Variants in OSBPL3 observed in about 807,000 individuals in gnomAD.
OSBPL3 encodes the protein oxysterol binding protein like 3, also known as oxysterol-binding protein-related protein 3.
Under a neutral mutation model 120.1 loss-of-function variants are expected in OSBPL3, and 65 were observed. That is an observed-to-expected ratio of 0.54 (90% CI 0.44 to 0.67). The LOEUF (loss-of-function observed/expected upper bound fraction) is 0.67. Among genes scored for constraint, OSBPL3 ranks in the 30% least tolerant of loss-of-function variants. OSBPL3 has a pLI of 0.00. For missense variants in OSBPL3, 1,004 were observed against 1,082.1 expected (o/e 0.93, Z 1.01); for synonymous variants, 416 against 402.6 (o/e 1.03, Z -0.40).
intron 1 of OSBPL3, among the ~76,000 whole-genome samples, chr7:24,950,207 AACAAATATCCATCC>A (rs1814224313): frequency 6.6e-6 from 1 of 152,164 alleles, no homozygotes; most frequent in Admixed American, 6.5e-5. Context: ...AGGCTCCAGG[AACAAATATCCATCC>A]ACGTTGACAT....
Position 24,937,635 on chromosome 7 carries a change from C to T in OSBPL3, c.-150+42251G>A, listed in dbSNP as rs978243618. 1.3e-5 allele frequency among the ~76,000 whole-genome samples: 2 copies of T among 152,190 alleles called. No individual in the cohort carries two copies. Among genetic ancestry groups the T allele is most frequent in the Non-Finnish European group, 2.9e-5 (2 of 68,022 alleles). ...GAGACGTCCCAATACATGTGCCACA[C>T]TTTTACATATCTGGAAATAGAACTG... On this transcript the variant is annotated intron_variant, in intron 1 of 22. Transcript: ENST00000313367. This position sits in a 1 kb window ranked among gnomAD's most constrained non-coding sequence, Gnocchi z 4.0.
At chr7:24,907,379 T>C (rs1373906354) in intron 1 of OSBPL3, among the ~76,000 whole-genome samples, 3 of 152,250 alleles carry the variant, frequency 2.0e-5, no homozygotes, top group Non-Finnish European at 4.4e-5. Context: ...TGTGGCTAAA[T>C]GTCTGAGTTG....
chr7:24,918,012 A>T lies in OSBPL3; in HGVS notation c.-149-25391T>A. The T allele has an allele frequency of 1.1e-6, 1 of 906,176 alleles. No homozygotes were observed. Among genetic ancestry groups the T allele is most frequent in the Non-Finnish European group, 1.3e-6 (1 of 757,530 alleles). The allele number at this position is 906,176 out of a possible 1,614,324, so 56.1% of individuals were successfully genotyped here. On this transcript the variant is annotated intron_variant, in intron 1 of 22. Transcript: ENST00000313367. This position sits in a 1 kb window ranked among gnomAD's most constrained non-coding sequence, Gnocchi z 4.3. ...TCCTGTCTAGCTTTCAAATTCAGTG[A>T]TCCTATGAGTCCATAAAATGACTAG...
intron 1 of OSBPL3, among the ~76,000 whole-genome samples, chr7:24,935,314 A>G (rs1212556731): frequency 2.0e-5 from 3 of 152,194 alleles, no homozygotes; most frequent in African/African-American, 4.8e-5. Flanking sequence ...CACTACAATT[A>G]GGCTACACAG....
At chr7:24,887,589 A>T (rs974390420) in intron 2 of OSBPL3, among the ~76,000 whole-genome samples, 4 of 152,212 alleles carry the variant, frequency 2.6e-5, no homozygotes, top group Admixed American at 2.6e-4. Flanking sequence ...CATTTTATGA[A>T]TGGAGAACTG....
rs896161422 is a variant in OSBPL3 at position 24,940,862 on chromosome 7, C to A, written c.-150+39024G>T. Among the ~76,000 whole-genome samples, 1 of 151,612 alleles carries A rather than the reference C, an allele frequency of 6.6e-6. No homozygotes were observed. Among genetic ancestry groups the A allele is most frequent in the Non-Finnish European group, 1.5e-5 (1 of 67,928 alleles). On this transcript the variant is annotated intron_variant, in intron 1 of 22. Coordinates refer to ENST00000313367, the MANE Select transcript of OSBPL3 (RefSeq NM_015550.4). The surrounding 1 kb of genome is among the most constrained non-coding windows in gnomAD (Gnocchi z 4.4). ...TGTGACGGAGTCTCGCTCTGTCGCC[C>A]AGGCTGGAGTGCACTGGCGCGATCT... is the stretch of plus-strand genomic sequence containing the variant.
At chr7:24,944,616 C>T (rs1813497608) in intron 1 of OSBPL3, among the ~76,000 whole-genome samples, 1 of 130,956 alleles carries the variant, frequency 7.6e-6, no homozygotes, top group African/African-American at 2.7e-5. Flanking sequence ...GGTGAAAGAG[C>T]GAGACTCCAA....
Position 24,939,174 on chromosome 7 carries a change from C to T in OSBPL3, c.-150+40712G>A, listed in dbSNP as rs1812794550. ...AAAAGATAAATGAAGAAAACTAAGA[C>T]ATCAAGAATATTCAGAGAAGGAAGA... On this transcript the variant is annotated intron_variant, in intron 1 of 22. Transcript: ENST00000313367. This position sits in a 1 kb window ranked among gnomAD's most constrained non-coding sequence, Gnocchi z 4.2. 6.6e-6 allele frequency among the ~76,000 whole-genome samples: 1 copy of T among 152,114 alleles called. No individual in the cohort carries two copies.
At chr7:24,865,267 G>C in intron 7 of OSBPL3, 75 bp downstream of exon 7, 8 of 1,478,632 alleles carry the variant, frequency 5.4e-6, no homozygotes, top group Non-Finnish European at 6.5e-6. Context: ...GGACACAAAT[G>C]AATCTGAAGT....
intron 1 of OSBPL3, among the ~76,000 whole-genome samples, chr7:24,917,382 CATATATATATATTTGTAACATATATAT>C (rs775028214): frequency 7.2e-5 from 7 of 97,042 alleles, no homozygotes; most frequent in East Asian, 9.6e-4. Flanking sequence ...ATATTTGTAA[CATATATATATATTTGTAACATATATAT>C]ATATATATAT....
At chr7:24,978,790 A>C (rs1817865896) in intron 1 of OSBPL3, among the ~76,000 whole-genome samples, 1 of 152,184 alleles carries the variant, frequency 6.6e-6, no homozygotes, top group Non-Finnish European at 1.5e-5. Flanking sequence ...GGTCTCAAGC[A>C]CCTCTGCGCA....
Position 24,866,203 on chromosome 7 carries a change from G to C in OSBPL3, c.416C>G (p.Ser139Trp), listed in dbSNP as rs1183487841. 6.2e-7 allele frequency: 1 copy of C among 1,612,834 alleles called. No individual in the cohort carries two copies. Among genetic ancestry groups the C allele is most frequent in the Non-Finnish European group, 8.5e-7 (1 of 1,178,880 alleles). The change falls in exon 6 of 23, where the codon TCG becomes TGG. Residue 139 changes from serine to tryptophan, a missense_variant. Transcript: ENST00000313367. ...ATACATTCTGTGGTGGCGAAGTTTC[G>C]ATACCCACTCATCAAAGACTTCTTC... ...KSEEVFDEWVSKLRHHRMYRQ... is the reference protein window; with the variant it reads ...KSEEVFDEWVWKLRHHRMYRQ...
chr7:24,826,289 T>C (rs1795697832), intron 16 of OSBPL3, among the ~76,000 whole-genome samples: 1 of 152,156 alleles, frequency 6.6e-6, no homozygotes, highest in South Asian at 2.1e-4. Flanking sequence ...AAAGGAAACC[T>C]CTGAGAAGGT....
intron 14 of OSBPL3, among the ~76,000 whole-genome samples, chr7:24,840,308 G>T (rs1190690940): frequency 6.6e-6 from 1 of 152,094 alleles, no homozygotes; most frequent in Non-Finnish European, 1.5e-5. Context: ...TGCTACCCTT[G>T]AGATAGCAAG....
At position 24,892,382 on chromosome 7, in the gene OSBPL3, G is replaced by A. The variant is rs367598759; in HGVS notation, c.91C>T (p.Arg31Ter). Residue 31 changes from arginine to a stop codon, truncating the protein, a stop_gained, in exon 2 of 23, where the codon CGA (arginine) becomes TGA (stop). Coordinates refer to ENST00000313367, the MANE Select transcript of OSBPL3 (RefSeq NM_015550.4). LOFTEE classifies it high-confidence loss of function. ...TTGCATGAGTTAAACTTTACCTGTC[G>A]ACTTCCTTGCTTGGAAGAGCAGCTA... ...TSSCSSKQGSRQDSWEVVEGL... is the reference protein window; with the variant it reads ...TSSCSSKQGS 19 of 1,612,736 alleles carry A rather than the reference G, an allele frequency of 1.2e-5. No individual in the cohort carries two copies. The highest frequency in any genetic ancestry group is 8.8e-5 in the South Asian group (8 of 90,952).
chr7:24,929,040 T>G (rs1448490155), intron 1 of OSBPL3, among the ~76,000 whole-genome samples: 1 of 152,192 alleles, frequency 6.6e-6, no homozygotes, highest in African/African-American at 2.4e-5. Flanking sequence ...GGTAAGCGTG[T>G]TTAGCTTTAG....
chr7:24,863,958 GTGTT>G lies in OSBPL3; in HGVS notation c.674-363_674-360del, dbSNP rs1800953401. ...TTGATATTGCACAGTTCTTAGAAGAGTGTTTGGCACAGAGTAAGAACTAAATAAA... is the reference window on the plus strand; with the variant it reads ...TTGATATTGCACAGTTCTTAGAAGAGTGGCACAGAGTAAGAACTAAATAAA... On this transcript the variant is annotated intron_variant, in intron 7 of 22. Coordinates refer to ENST00000313367, the MANE Select transcript of OSBPL3 (RefSeq NM_015550.4). The surrounding 1 kb of genome is among the most constrained non-coding windows in gnomAD (Gnocchi z 5.8). Among the ~76,000 whole-genome samples, 1 of 152,300 alleles carries G rather than the reference GTGTT, an allele frequency of 6.6e-6. No individual in the cohort carries two copies. Among genetic ancestry groups the G allele is most frequent in the East Asian group, 1.9e-4 (1 of 5,186 alleles).
rs183228021 is a variant in OSBPL3, at chr7:24,821,261, C to T, written c.1885-1023G>A. On this transcript the variant is annotated intron_variant, in intron 16 of 22. Transcript: ENST00000313367. The surrounding 1 kb of genome is among the most constrained non-coding windows in gnomAD (Gnocchi z 5.5). Reference sequence around the variant, plus strand: ...AGATAAAGTAACATTTCCCAAGCCACACCAATAGTCAGGGAAGAGGTAGCG... The same window carrying T: ...AGATAAAGTAACATTTCCCAAGCCATACCAATAGTCAGGGAAGAGGTAGCG... 6.6e-6 allele frequency among the ~76,000 whole-genome samples: 1 copy of T among 152,338 alleles called. No individual in the cohort carries two copies. Among genetic ancestry groups the T allele is most frequent in the Admixed American group, 6.5e-5 (1 of 15,300 alleles).
At chr7:24,911,284 T>A (rs944014714) in intron 1 of OSBPL3, among the ~76,000 whole-genome samples, 1 of 152,208 alleles carries the variant, frequency 6.6e-6, no homozygotes, top group Non-Finnish European at 1.5e-5. Flanking sequence ...TGGGTGTTAT[T>A]ACGCTCCCTT....
Sources: allele counts gnomAD v4.1 joint callset (sites outside exome capture counted in the v4.1 genomes callset), GRCh38; gene constraint gnomAD v4.1.1; non-coding constraint Gnocchi (gnomAD v3.1); transcripts MANE v1.5; gene names NCBI Gene and HGNC (gene_info 2026-07-23, HGNC 2026-07-21).